Variants in PIK3CB observed in about 807,000 individuals in gnomAD.
The protein encoded by PIK3CB is phosphatidylinositol 4,5-bisphosphate 3-kinase catalytic subunit beta isoform.
Under a neutral mutation model 136.8 loss-of-function variants are expected in PIK3CB, and 39 were observed. The ratio of observed to expected loss-of-function variants is 0.29; its 90% confidence interval spans 0.22 to 0.37. The LOEUF is 0.37. Ranked by LOEUF, PIK3CB falls within the 10% of genes least tolerant of loss-of-function variation. PIK3CB has a pLI of 1.00. For synonymous variants in PIK3CB, 428 were observed against 436.6 expected, an observed-to-expected ratio of 0.98 and a Z score of 0.25; for missense variants, 868 against 1,275.4, an observed-to-expected ratio of 0.68 and a Z score of 4.87.
At chr3:138,796,109 G>T (rs1430347193) in intron 2 of PIK3CB, among the ~76,000 whole-genome samples, 1 of 152,060 alleles carries the variant, frequency 6.6e-6, no homozygotes, top group East Asian at 1.9e-4. Context: ...TCTGCTGGGA[G>T]CAGTGGCTCA....
intron 12 of PIK3CB, among the ~76,000 whole-genome samples, chr3:138,700,700 T>TAGATAGATAGAC (rs1257008703): frequency 2.0e-3 from 220 of 112,458 alleles, no homozygotes; most frequent in African/African-American, 8.0e-3. Flanking sequence ...AAAAGATAGA[T>TAGATAGATAGAC]AGATAGATAG....
rs753912255 is a variant in PIK3CB, at chr3:138,714,722, G to A, written c.1051-3C>T. Reference sequence around the variant, plus strand: ...AAAAGACCAGCCCTGACATGAACCTGTAACGAAGCAGACAAAAACAAAAAC... The same window carrying A: ...AAAAGACCAGCCCTGACATGAACCTATAACGAAGCAGACAAAAACAAAAAC... On this transcript the variant is annotated splice_polypyrimidine_tract_variant and splice_region_variant and intron_variant, in intron 8 of 23. Transcript: ENST00000674063. The A allele has an allele frequency of 1.3e-6, 2 of 1,584,112 alleles. No individual in the cohort carries two copies. Among genetic ancestry groups the A allele is most frequent in the East Asian group, 2.3e-5 (1 of 44,404 alleles).
At chr3:138,758,864 G>C (rs1489749836) in intron 3 of PIK3CB, among the ~76,000 whole-genome samples, 2 of 152,094 alleles carry the variant, frequency 1.3e-5, no homozygotes, top group Non-Finnish European at 2.9e-5. Context: ...TCCCCCAAGA[G>C]TCAAGGAAAG....
At chr3:138,686,672 A>G (rs2043900598) in intron 16 of PIK3CB, among the ~76,000 whole-genome samples, 1 of 152,214 alleles carries the variant, frequency 6.6e-6, no homozygotes, top group African/African-American at 2.4e-5. Context: ...TCACAAATAT[A>G]AACAATGTGG....
At chr3:138,686,263 A>G (rs986084225) in intron 16 of PIK3CB, among the ~76,000 whole-genome samples, 3 of 151,574 alleles carry the variant, frequency 2.0e-5, no homozygotes, top group African/African-American at 7.3e-5. Flanking sequence ...ATATGGTGAA[A>G]CCTCCTCTCT....
chr3:138,779,384 C>CTTT (rs1272745365), intron 2 of PIK3CB, among the ~76,000 whole-genome samples: 1,591 of 120,218 alleles, frequency 0.013, 38 homozygotes, highest in African/African-American at 0.046. Flanking sequence ...CCACGCCCGG[C>CTTT]CTTCTTTTTT....
rs1208208538 is a variant in PIK3CB, at chr3:138,752,724, AG to A, written c.397+3029del. ...ACCTCGTCTCAACAGAAAAAAAAAA[AG>A]AAAAAATTAAATTCATTAGTCTAAT... On this transcript the variant is annotated intron_variant, in intron 4 of 23. Coordinates refer to ENST00000674063, the MANE Select transcript of PIK3CB (RefSeq NM_006219.3). Among the ~76,000 whole-genome samples the A allele has an allele frequency of 1.6e-3, 237 of 152,146 alleles. 3 individuals are homozygous for A. The highest frequency in any genetic ancestry group is 5.4e-3 in the African/African-American group (223 of 41,516).
chr3:138,728,728 C>T (rs2044898580), intron 8 of PIK3CB, among the ~76,000 whole-genome samples: 2 of 149,692 alleles, frequency 1.3e-5, no homozygotes, highest in African/African-American at 4.9e-5. Context: ...TGCAGTGAGC[C>T]GAGATTGAGC....
intron 1 of PIK3CB, chr3:138,826,142 C>A (rs1933773687): frequency 4.9e-6 from 5 of 1,010,966 alleles, no homozygotes; most frequent in Non-Finnish European, 6.0e-6. Context: ...GTGGTGCTGC[C>A]ATAGTTGATA....
chr3:138,783,168 T>C (rs772514804), intron 2 of PIK3CB, among the ~76,000 whole-genome samples: 1 of 152,216 alleles, frequency 6.6e-6, no homozygotes, highest in Non-Finnish European at 1.5e-5. Flanking sequence ...GAAATGAACA[T>C]ATCGACAGCT....
chr3:138,804,679 G>C (rs2108850219), intron 1 of PIK3CB, among the ~76,000 whole-genome samples: 1 of 152,274 alleles, frequency 6.6e-6, no homozygotes, highest in East Asian at 1.9e-4. Context: ...AATTGCTTAA[G>C]AATTCTTAAT....
chr3:138,776,535 C>T (rs2045860747), intron 2 of PIK3CB, among the ~76,000 whole-genome samples: 1 of 151,874 alleles, frequency 6.6e-6, no homozygotes, highest in South Asian at 2.1e-4. Flanking sequence ...CAAAAAAATA[C>T]AAAAAATACA....
At chr3:138,673,366 T>C (rs361096) in intron 19 of PIK3CB, among the ~76,000 whole-genome samples, 83,842 of 151,920 alleles carry the variant, frequency 0.55, 24,454 homozygotes, top group East Asian at 0.98. Context: ...CAGATTGTAC[T>C]GCAGACAAAG....
At chr3:138,819,352 A>G (rs1237819489) in intron 1 of PIK3CB, among the ~76,000 whole-genome samples, 1 of 152,162 alleles carries the variant, frequency 6.6e-6, no homozygotes, top group Non-Finnish European at 1.5e-5. Context: ...GTCTCCAAAA[A>G]AAAAAAAAAA....
At chr3:138,668,235 C>G (rs112376104) in intron 19 of PIK3CB, among the ~76,000 whole-genome samples, 29 of 152,238 alleles carry the variant, frequency 1.9e-4, no homozygotes, top group African/African-American at 6.5e-4. Context: ...AAAGCAAACA[C>G]TGCCAGGTTA....
chr3:138,679,609 G>C (rs1007671468), intron 19 of PIK3CB, among the ~76,000 whole-genome samples: 8 of 150,070 alleles, frequency 5.3e-5, no homozygotes, highest in Non-Finnish European at 8.9e-5. Flanking sequence ...TTGAGATTAG[G>C]GTCTCACTTT....
At chr3:138,663,294 C>T in intron 21 of PIK3CB, among the ~76,000 whole-genome samples, 1 of 152,344 alleles carries the variant, frequency 6.6e-6, no homozygotes, top group African/African-American at 2.4e-5. Context: ...ACATCCAGTA[C>T]ATTATCCGCT....
At chr3:138,672,112 G>A (rs1048920781) in intron 19 of PIK3CB, among the ~76,000 whole-genome samples, 4 of 152,040 alleles carry the variant, frequency 2.6e-5, no homozygotes, top group Admixed American at 2.0e-4. Flanking sequence ...ATAAATTAAC[G>A]AACAAAAGAT....
intron 10 of PIK3CB, chr3:138,707,654 T>C (rs772201950): frequency 8.3e-6 from 5 of 604,560 alleles, no homozygotes; most frequent in East Asian, 1.3e-4. Context: ...CTTAATCACA[T>C]GTAATCTGGT....
Sources: gnomAD v4.1 joint callset for allele counts (sites outside exome capture counted in the v4.1 genomes callset) on GRCh38, gnomAD v4.1.1 for gene constraint, MANE v1.5 for transcripts, NCBI Gene and HGNC (gene_info 2026-07-23, HGNC 2026-07-21) for gene names.